ADAMTS3: variants seen among roughly 807,000 people sequenced by gnomAD.
ADAMTS3 encodes A disintegrin and metalloproteinase with thrombospondin motifs 3.
Under a neutral mutation model 129.0 loss-of-function variants are expected in ADAMTS3, and 73 were observed. The observed-to-expected ratio is 0.57, with a 90% CI of 0.47 to 0.69. The LOEUF (loss-of-function observed/expected upper bound fraction) is 0.69. Among genes scored for constraint, ADAMTS3 ranks in the 30% least tolerant of loss-of-function variants. The pLI is 0.00. For missense variants in ADAMTS3, 1,457 were observed against 1,514.5 expected (o/e 0.96, Z 0.63); for synonymous variants, 477 against 510.8 (o/e 0.93, Z 0.89).
chr4:72,469,896 G>A (rs1463128179), intron 3 of ADAMTS3, among the ~76,000 whole-genome samples: 3 of 152,064 alleles, frequency 2.0e-5, no homozygotes, highest in Admixed American at 1.3e-4. Context: ...TACAACATAC[G>A]AAATAAGTGT....
At chr4:72,380,740 T>C (rs1271501265) in intron 4 of ADAMTS3, among the ~76,000 whole-genome samples, 2 of 152,044 alleles carry the variant, frequency 1.3e-5, no homozygotes, top group African/African-American at 4.8e-5. Context: ...TGTTGACAGG[T>C]TCTAGAGGGC....
chr4:72,408,087 C>G (rs76917547), intron 4 of ADAMTS3, among the ~76,000 whole-genome samples: 5,558 of 152,218 alleles, frequency 0.037, 123 homozygotes, highest in Non-Finnish European at 0.048. Flanking sequence ...GCTCCTGTTA[C>G]AAAATTATGC....
chr4:72,333,378 T>C (rs1719900244), intron 5 of ADAMTS3, among the ~76,000 whole-genome samples: 1 of 152,136 alleles, frequency 6.6e-6, no homozygotes, highest in Non-Finnish European at 1.5e-5. Context: ...ACGTATAAAT[T>C]ATGGTAGATT....
At chr4:72,335,757 A>G (rs1719973801) in intron 5 of ADAMTS3, among the ~76,000 whole-genome samples, 1 of 152,144 alleles carries the variant, frequency 6.6e-6, no homozygotes, top group Non-Finnish European at 1.5e-5. Flanking sequence ...ATGATACCCA[A>G]TAATAATTGT....
At chr4:72,532,033 G>A (rs1721056698) in intron 3 of ADAMTS3, among the ~76,000 whole-genome samples, 1 of 150,968 alleles carries the variant, frequency 6.6e-6, no homozygotes, top group South Asian at 2.1e-4. Flanking sequence ...CATTGGGAAA[G>A]GGCCAGACAG....
rs1419954927 is a variant in ADAMTS3, at chr4:72,288,635, C to T, written c.3049+116G>A. 7.1e-6 allele frequency: 5 copies of T among 703,904 alleles called. No individual in the cohort carries two copies. The African/African-American group carries it at 8.9e-5, about 13-fold the overall frequency. The allele number at this position is 703,904 out of a possible 1,614,324, so 43.6% of individuals were successfully genotyped here. A position where few individuals can be genotyped will look rare whatever the true frequency, so the allele number is the denominator to read the frequency against. On this transcript the variant is annotated intron_variant, in intron 21 of 21. Coordinates refer to ENST00000286657, the MANE Select transcript of ADAMTS3 (RefSeq NM_014243.3). ...TGGACTAATATTTCACAGGTGTTTT[C>T]CTTTGGTTATTTATCAGTAAACAAA...
At chr4:72,455,932 A>ACATATAG (rs1275921522) in intron 3 of ADAMTS3, among the ~76,000 whole-genome samples, 1 of 109,240 alleles carries the variant, frequency 9.2e-6, no homozygotes, top group East Asian at 2.4e-4. Context: ...TATATATTTT[A>ACATATAG]TATATAGTAT....
At chr4:72,370,528 C>T (rs1193824876) in intron 4 of ADAMTS3, among the ~76,000 whole-genome samples, 1 of 152,076 alleles carries the variant, frequency 6.6e-6, no homozygotes, top group African/African-American at 2.4e-5. Flanking sequence ...TCCCCTCACG[C>T]ATTTCCCGTA....
chr4:72,419,304 T>C (rs1722384757), intron 3 of ADAMTS3, among the ~76,000 whole-genome samples: 1 of 152,192 alleles, frequency 6.6e-6, no homozygotes, highest in Non-Finnish European at 1.5e-5. Context: ...CTTTGAGCCT[T>C]AAGCTCCATC....
intron 3 of ADAMTS3, among the ~76,000 whole-genome samples, chr4:72,514,711 T>C (rs573623168): frequency 6.6e-6 from 1 of 152,282 alleles, no homozygotes; most frequent in South Asian, 2.1e-4. Flanking sequence ...ACATTTAACA[T>C]AGCTTCTTAC....
rs1719535306 is a variant in ADAMTS3, at chr4:72,320,851, C to T, written c.965G>A (p.Arg322Lys). ...CTCCAAGCTTCTGGATGGGTTTCCC[C>T]TTTCTATGAGGCTGATGGACTAAGT... ...GYAKSISLIE[R>K]GNPSRSLENV... The change falls in exon 7 of 22, where the codon AGG (arginine) becomes AAG (lysine). Residue 322 changes from arginine (R) to lysine (K), a missense_variant. Transcript: ENST00000286657. The T allele has an allele frequency of 6.2e-7, 1 of 1,613,916 alleles. No individual in the cohort carries two copies. Among genetic ancestry groups the T allele is most frequent in the East Asian group, 2.2e-5 (1 of 44,834 alleles).
At chr4:72,314,462 G>A (rs900967085) in intron 11 of ADAMTS3, among the ~76,000 whole-genome samples, 1 of 152,120 alleles carries the variant, frequency 6.6e-6, no homozygotes, top group African/African-American at 2.4e-5. Flanking sequence ...TAATACTATA[G>A]AGGCACCTAG....
At chr4:72,337,997 A>T (rs188604030) in intron 5 of ADAMTS3, among the ~76,000 whole-genome samples, 119 of 152,262 alleles carry the variant, frequency 7.8e-4, no homozygotes, top group African/African-American at 2.8e-3. Flanking sequence ...TGACGTAAGA[A>T]TAACATCTCC....
chr4:72,298,193 G>C, intron 18 of ADAMTS3, 84 bp downstream of exon 18: 2 of 1,142,350 alleles, frequency 1.8e-6, no homozygotes, highest in Admixed American at 4.2e-5. Flanking sequence ...TTGTGGCCTC[G>C]ATTAGAGACA....
intron 4 of ADAMTS3, among the ~76,000 whole-genome samples, chr4:72,356,369 TTA>T (rs1463371291): frequency 1.3e-5 from 2 of 151,890 alleles, no homozygotes; most frequent in Non-Finnish European, 2.9e-5. Flanking sequence ...GCACACACTA[TTA>T]TATGATATTC....
chr4:72,283,148 G>T lies in ADAMTS3; in HGVS notation c.3606C>A (p.Thr1202=). ...IDNRRPTRSS[T]LER is the part of the protein sequence containing the mutation. ...TTGGTTCACTTTCTCATCTTTCTAA[G>T]GTGGATGATCTTGTCGGACGTCTGT... is the stretch of plus-strand genomic sequence containing the variant. Residue 1202 remains threonine (T), a synonymous_variant, in exon 22 of 22, where the codon ACC becomes ACA. Transcript: ENST00000286657. 1 of 1,605,858 alleles carries T rather than the reference G, an allele frequency of 6.2e-7. No individual in the cohort carries two copies. The highest frequency in any genetic ancestry group is 1.1e-5 in the South Asian group (1 of 89,536).
rs143746294 is a variant in ADAMTS3 at position 72,362,640 on chromosome 4, T to G, written c.662-22947A>C. On this transcript the variant is annotated intron_variant, in intron 4 of 21. Transcript: ENST00000286657. Reference sequence around the variant, plus strand: ...GATATCACAGCTTAATTATAAAAATTTCTAGTGATGACTGACACTTTGGTT... The same window carrying G: ...GATATCACAGCTTAATTATAAAAATGTCTAGTGATGACTGACACTTTGGTT... Among the ~76,000 whole-genome samples, 136 of 152,250 alleles carry G rather than the reference T, an allele frequency of 8.9e-4. 1 individual carries two copies. The East Asian group carries it at 0.025, about 28-fold the overall frequency.
intron 2 of ADAMTS3, among the ~76,000 whole-genome samples, chr4:72,565,887 T>C (rs1220451608): frequency 2.0e-5 from 3 of 152,252 alleles, no homozygotes; most frequent in Non-Finnish European, 2.9e-5. Context: ...ATCAAAGCTA[T>C]ATATTTTATG....
chr4:72,324,119 T>A (rs141798394), intron 5 of ADAMTS3, among the ~76,000 whole-genome samples: 160 of 152,252 alleles, frequency 1.1e-3, no homozygotes, highest in African/African-American at 3.8e-3. Flanking sequence ...TAACTGCAAC[T>A]CAGCTTCAGA....
Sources: allele counts gnomAD v4.1 joint callset (sites outside exome capture counted in the v4.1 genomes callset), GRCh38; gene constraint gnomAD v4.1.1; transcripts MANE v1.5; gene names NCBI Gene and HGNC (gene_info 2026-07-23, HGNC 2026-07-21).